CACNA2D3: variants seen among roughly 807,000 people sequenced by gnomAD.
CACNA2D3 encodes the protein voltage-dependent calcium channel subunit alpha-2/delta-3.
In CACNA2D3, 60 loss-of-function variants were observed where a neutral mutation model predicts 160.6. The observed-to-expected ratio is 0.37, with a 90% CI of 0.30 to 0.46. CACNA2D3 has a LOEUF of 0.46. Ranked by LOEUF, CACNA2D3 falls within the 20% of genes least tolerant of loss-of-function variation. The probability of loss-of-function intolerance (pLI) is 1.00; values close to 1 mark genes in which losing one functional copy is unlikely to be tolerated. For synonymous variants in CACNA2D3, 558 were observed against 492.9 expected (o/e 1.13, Z -1.75); for missense variants, 1,205 against 1,365.0 (o/e 0.88, Z 1.85).
intron 4 of CACNA2D3, among the ~76,000 whole-genome samples, chr3:54,503,040 C>G (rs1701317996): frequency 6.6e-6 from 1 of 152,172 alleles, no homozygotes; most frequent in Admixed American, 6.5e-5. Flanking sequence ...TATAAACACA[C>G]AGTCCTTCTG....
intron 14 of CACNA2D3, 98 bp from the exon 15 acceptor site, chr3:54,837,061 G>A (rs79389088): frequency 1.0e-6 from 1 of 993,178 alleles, no homozygotes. Context: ...CATCTCAACA[G>A]CCCCTGGTTT....
At chr3:54,417,925 T>C (rs1699781329) in intron 4 of CACNA2D3, among the ~76,000 whole-genome samples, 1 of 152,050 alleles carries the variant, frequency 6.6e-6, no homozygotes, top group Non-Finnish European at 1.5e-5. Flanking sequence ...TAGCTGGGAC[T>C]ATAGGCATAT....
intron 12 of CACNA2D3, among the ~76,000 whole-genome samples, chr3:54,757,310 C>T (rs1422411136): frequency 1.3e-5 from 2 of 152,120 alleles, no homozygotes; most frequent in African/African-American, 4.8e-5. Context: ...CTTAGCTTAC[C>T]CCTTTTCCAT....
intron 34 of CACNA2D3, among the ~76,000 whole-genome samples, chr3:55,010,837 A>G (rs548270680): frequency 2.0e-5 from 3 of 152,186 alleles, no homozygotes; most frequent in African/African-American, 7.2e-5. Context: ...GCGTTATCCT[A>G]TCTCTTCTTT....
At chr3:54,378,776 C>T (rs1270689048) in intron 3 of CACNA2D3, among the ~76,000 whole-genome samples, 3 of 152,340 alleles carry the variant, frequency 2.0e-5, no homozygotes, top group East Asian at 1.9e-4. Flanking sequence ...ATACCTCTCC[C>T]TGAGCTGCCT....
intron 4 of CACNA2D3, among the ~76,000 whole-genome samples, chr3:54,500,246 A>T (rs1462036976): frequency 6.6e-6 from 1 of 152,160 alleles, no homozygotes; most frequent in African/African-American, 2.4e-5. Context: ...TTAGCATGGT[A>T]TATCTTCTTC....
chr3:54,371,113 C>T (rs1452183409), intron 3 of CACNA2D3, among the ~76,000 whole-genome samples: 1 of 152,130 alleles, frequency 6.6e-6, no homozygotes, highest in Non-Finnish European at 1.5e-5. Flanking sequence ...ATCCATTCAT[C>T]AGTTCTTGGA....
At chr3:54,528,567 C>G (rs547287212) in intron 5 of CACNA2D3, among the ~76,000 whole-genome samples, 1 of 152,172 alleles carries the variant, frequency 6.6e-6, no homozygotes, top group African/African-American at 2.4e-5. Flanking sequence ...GATTGAAACA[C>G]GAAACCTTGC....
At chr3:54,457,779 A>G (rs540656495) in intron 4 of CACNA2D3, among the ~76,000 whole-genome samples, 182 of 152,192 alleles carry the variant, frequency 1.2e-3, no homozygotes, top group African/African-American at 4.3e-3. Flanking sequence ...GGGTACATAT[A>G]TATTTACAAT....
intron 17 of CACNA2D3, 24 bp downstream of exon 17, chr3:54,846,491 C>T: frequency 7.0e-7 from 1 of 1,438,736 alleles, no homozygotes; most frequent in South Asian, 1.2e-5. Flanking sequence ...TGTACTTCTG[C>T]ATTTCTGCTT....
chr3:54,358,008 C>T (rs982563370), intron 3 of CACNA2D3, among the ~76,000 whole-genome samples: 9 of 152,214 alleles, frequency 5.9e-5, no homozygotes, highest in African/African-American at 2.2e-4. Context: ...TCAAAACCCA[C>T]AGGAAGTACA....
intron 2 of CACNA2D3, among the ~76,000 whole-genome samples, chr3:54,243,477 A>G (rs1170018816): frequency 6.6e-6 from 1 of 152,180 alleles, no homozygotes; most frequent in Non-Finnish European, 1.5e-5. Context: ...ACAGCTTGGA[A>G]ACCATGTGGG....
chr3:55,063,168 A>G (rs1340932000), intron 35 of CACNA2D3, among the ~76,000 whole-genome samples: 1 of 152,194 alleles, frequency 6.6e-6, no homozygotes, highest in Non-Finnish European at 1.5e-5. Flanking sequence ...GGTGGCTTCA[A>G]CACTCAGAGG....
At chr3:54,824,907 A>G (rs1559596576) in intron 14 of CACNA2D3, among the ~76,000 whole-genome samples, 1 of 152,224 alleles carries the variant, frequency 6.6e-6, no homozygotes, top group African/African-American at 2.4e-5. Context: ...AGGCAAAAAG[A>G]ACTTGGTGTT....
At chr3:54,167,013 T>G (rs1468670731) in intron 2 of CACNA2D3, among the ~76,000 whole-genome samples, 1 of 152,200 alleles carries the variant, frequency 6.6e-6, no homozygotes, top group Non-Finnish European at 1.5e-5. Context: ...TGAGATTGTT[T>G]TAGGGAAAAG....
intron 11 of CACNA2D3, among the ~76,000 whole-genome samples, chr3:54,667,123 A>G (rs981250328): frequency 2.0e-5 from 3 of 152,166 alleles, no homozygotes; most frequent in African/African-American, 4.8e-5. Context: ...TTACTCATCT[A>G]TATTCTGGCT....
intron 4 of CACNA2D3, among the ~76,000 whole-genome samples, chr3:54,415,860 A>C (rs1699745944): frequency 6.6e-6 from 1 of 152,182 alleles, no homozygotes; most frequent in Non-Finnish European, 1.5e-5. Flanking sequence ...AGAGGACCAT[A>C]GGTTGTAACA....
intron 9 of CACNA2D3, among the ~76,000 whole-genome samples, chr3:54,616,132 C>T (rs1289490751): frequency 6.6e-6 from 1 of 152,154 alleles, no homozygotes; most frequent in Non-Finnish European, 1.5e-5. Flanking sequence ...AAACAACAAA[C>T]ATTTATTATC....
Position 54,938,183 on chromosome 3 carries a change from G to T in CACNA2D3, c.2450-30267G>T, listed in dbSNP as rs569772683. On this transcript the variant is annotated intron_variant, in intron 27 of 37. Transcript: ENST00000474759. ...CACCACATCAGTGCCTGGGTCCAGT[G>T]CAGTCAAGGAAGAACCAGCCCTGCT... Among the ~76,000 whole-genome samples, 122 of 152,354 alleles carry T rather than the reference G, an allele frequency of 8.0e-4. 1 individual carries two copies. In the South Asian group the frequency reaches 0.012, roughly 15 times the overall value.
Sources: allele counts gnomAD v4.1 joint callset (sites outside exome capture counted in the v4.1 genomes callset), GRCh38; gene constraint gnomAD v4.1.1; transcripts MANE v1.5; gene names NCBI Gene and HGNC (gene_info 2026-07-23, HGNC 2026-07-21).